TACR3: variants seen among roughly 807,000 people sequenced by gnomAD.
TACR3 encodes neuromedin-K receptor.
A neutral mutation model predicts 35.0 loss-of-function variants in TACR3; 34 were observed. The observed-to-expected ratio is 0.97, with a 90% CI of 0.74 to 1.30. The LOEUF (loss-of-function observed/expected upper bound fraction) is 1.30, where lower values mean the gene tolerates loss of function less well. TACR3 is among the 50% of genes most tolerant of loss of function. The probability of loss-of-function intolerance (pLI) is 0.00; values close to 1 mark genes in which losing one functional copy is unlikely to be tolerated. For synonymous variants in TACR3, 233 were observed against 221.1 expected (o/e 1.05, Z -0.48); for missense variants, 558 against 591.7 (o/e 0.94, Z 0.59).
At chr4:103,591,397 G>A (rs999879096) in intron 4 of TACR3, 90 bp downstream of exon 4, 5 of 1,512,206 alleles carry the variant, frequency 3.3e-6, no homozygotes, top group Non-Finnish European at 4.6e-6. Context: ...TCTGCATTTT[G>A]AATTTGAACC....
intron 1 of TACR3, among the ~76,000 whole-genome samples, chr4:103,662,428 T>C (rs1317479355): frequency 6.6e-6 from 1 of 152,012 alleles, no homozygotes; most frequent in East Asian, 1.9e-4. Flanking sequence ...CCATATTGGT[T>C]AGGCTGGTCT....
Position 103,589,924 on chromosome 4 carries a change from C to T in TACR3, c.1156G>A (p.Glu386Lys), listed in dbSNP as rs755152764. ...FIKVSSYDEL[E>K]LKTTRFHPNR... ...GGATGAAACCTGGTGGTCTTGAGCT[C>T]TAGCTCATCATAGCTGGAAACTTTG... is the stretch of plus-strand genomic sequence containing the variant. Residue 386 changes from glutamate (E) to lysine (K), a missense_variant, in exon 5 of 5, where the codon GAG (glutamate) becomes AAG (lysine). Physicochemically the swap from Glu to Lys is moderately conservative, Grantham distance 56. Transcript: ENST00000304883. 8 of 1,613,824 alleles carry T rather than the reference C, an allele frequency of 5.0e-6. No individual in the cohort carries two copies. The Admixed American group carries it at 6.7e-5, about 13-fold the overall frequency.
intron 3 of TACR3, among the ~76,000 whole-genome samples, chr4:103,640,837 A>G (rs1725340747): frequency 6.6e-6 from 1 of 151,976 alleles, no homozygotes; most frequent in Non-Finnish European, 1.5e-5. Context: ...AGTGTGGCAC[A>G]GGGAAGCCAA....
At chr4:103,681,447 C>T (rs1054564369) in intron 1 of TACR3, among the ~76,000 whole-genome samples, 5 of 151,892 alleles carry the variant, frequency 3.3e-5, no homozygotes, top group African/African-American at 7.3e-5. Context: ...CCTTATATAA[C>T]GGCATAGGTA....
chr4:103,650,480 T>C (rs1446695664), intron 3 of TACR3, among the ~76,000 whole-genome samples: 1 of 136,008 alleles, frequency 7.4e-6, no homozygotes, highest in Non-Finnish European at 1.5e-5. Flanking sequence ...TATATATTTA[T>C]ATATAAATAT....
At chr4:103,617,305 AAGAAAGAG>A (rs1943379745) in intron 3 of TACR3, among the ~76,000 whole-genome samples, 1 of 152,098 alleles carries the variant, frequency 6.6e-6, no homozygotes, top group Non-Finnish European at 1.5e-5. Flanking sequence ...AAAGTATTTA[AAGAAAGAG>A]AGAAGCAAAT....
At chr4:103,635,780 C>CTCTG (rs113959057) in intron 3 of TACR3, among the ~76,000 whole-genome samples, 66,710 of 151,574 alleles carry the variant, frequency 0.44, 17,769 homozygotes, top group African/African-American at 0.76. Context: ...TTAGAGGTAG[C>CTCTG]TCTTATTATT....
intron 1 of TACR3, among the ~76,000 whole-genome samples, chr4:103,686,278 C>T (rs1722236389): frequency 6.6e-6 from 1 of 152,126 alleles, no homozygotes; most frequent in Non-Finnish European, 1.5e-5. Context: ...TATAAGCATT[C>T]CCATGACACA....
chr4:103,698,536 C>CTTTT (rs1722577358), intron 1 of TACR3, among the ~76,000 whole-genome samples: 1 of 148,450 alleles, frequency 6.7e-6, no homozygotes. Context: ...AGGATATTTT[C>CTTTT]TTTTCTTTTT....
intron 1 of TACR3, among the ~76,000 whole-genome samples, chr4:103,693,347 C>A (rs528765928): frequency 7.2e-5 from 11 of 152,214 alleles, no homozygotes; most frequent in Non-Finnish European, 4.4e-5. Context: ...TATGGGCAGA[C>A]ACACAGAGGT....
At chr4:103,712,197 T>C (rs1016569133) in intron 1 of TACR3, among the ~76,000 whole-genome samples, 1 of 152,080 alleles carries the variant, frequency 6.6e-6, no homozygotes, top group African/African-American at 2.4e-5. Context: ...AGTCAATCCT[T>C]AGCCAAAAGA....
chr4:103,719,503 A>G lies in TACR3; in HGVS notation c.173T>C (p.Leu58Pro), dbSNP rs1469542150. The change falls in exon 1 of 5, where the codon CTG becomes CCG. Residue 58 changes from leucine to proline, a missense_variant. Physicochemically the swap from Leu to Pro is moderately conservative, Grantham distance 98. Transcript: ENST00000304883. ...AGNLSSSPSALGLPVASPAPS... is the reference protein window; with the variant it reads ...AGNLSSSPSAPGLPVASPAPS... ...CGCGGGGGAAGCCACAGGCAGTCCC[A>G]GCGCGGAAGGGGAGGAGGAGAGGTT... 3.1e-6 allele frequency: 5 copies of G among 1,610,948 alleles called. No individual in the cohort carries two copies. The highest frequency in any genetic ancestry group is 4.2e-6 in the Non-Finnish European group (5 of 1,177,454).
chr4:103,625,207 G>T (rs1426269205), intron 3 of TACR3, among the ~76,000 whole-genome samples: 1 of 152,022 alleles, frequency 6.6e-6, no homozygotes, highest in African/African-American at 2.4e-5. Context: ...GCTAAAATCT[G>T]GTTTACATAG....
intron 3 of TACR3, among the ~76,000 whole-genome samples, chr4:103,614,884 G>GTTTGTTTTTT (rs1724601485): frequency 1.4e-5 from 1 of 72,060 alleles, no homozygotes; most frequent in African/African-American, 6.0e-5. Context: ...TTATGAATGT[G>GTTTGTTTTTT]TTTTTTTTTT....
intron 4 of TACR3, among the ~76,000 whole-genome samples, chr4:103,590,484 A>G (rs944532285): frequency 6.6e-6 from 1 of 152,152 alleles, no homozygotes; most frequent in Non-Finnish European, 1.5e-5. Context: ...CTAATTATAT[A>G]TGAAAGTGCA....
At chr4:103,597,079 T>A (rs943026906) in intron 3 of TACR3, among the ~76,000 whole-genome samples, 3 of 151,982 alleles carry the variant, frequency 2.0e-5, no homozygotes, top group African/African-American at 7.3e-5. Context: ...CATGCGTCTT[T>A]ATAGCAGCAT....
At chr4:103,687,046 C>G (rs931888992) in intron 1 of TACR3, among the ~76,000 whole-genome samples, 1 of 152,116 alleles carries the variant, frequency 6.6e-6, no homozygotes, top group East Asian at 1.9e-4. Flanking sequence ...AGCTTATCCA[C>G]CATGATCAAG....
At chr4:103,626,154 T>G (rs533305089) in intron 3 of TACR3, among the ~76,000 whole-genome samples, 48 of 152,284 alleles carry the variant, frequency 3.2e-4, no homozygotes, top group Middle Eastern at 3.4e-3. Context: ...CCCTATCACC[T>G]CATCACCCTC....
chr4:103,701,574 A>C (rs2110223843), intron 1 of TACR3, among the ~76,000 whole-genome samples: 1 of 152,334 alleles, frequency 6.6e-6, no homozygotes, highest in East Asian at 1.9e-4. Context: ...GGAACCAAAA[A>C]AGAGCCCGCA....
Sources: gnomAD v4.1 joint callset for allele counts (sites outside exome capture counted in the v4.1 genomes callset) on GRCh38, gnomAD v4.1.1 for gene constraint, MANE v1.5 for transcripts, NCBI Gene and HGNC (gene_info 2026-07-23, HGNC 2026-07-21) for gene names.